Variants in NFIB observed in about 807,000 individuals in gnomAD.
NFIB encodes the protein nuclear factor I B.
A neutral mutation model predicts 61.5 loss-of-function variants in NFIB; 11 were observed. That is an observed-to-expected ratio of 0.18 (90% CI 0.11 to 0.30). The LOEUF is 0.30. Among genes scored for constraint, NFIB ranks in the 10% least tolerant of loss-of-function variants. The pLI is 1.00. For missense variants in NFIB, 471 were observed against 608.9 expected, an observed-to-expected ratio of 0.77 and a Z score of 2.38; for synonymous variants, 260 against 216.5, an observed-to-expected ratio of 1.20 and a Z score of -1.76.
the NFIB span, among the ~76,000 whole-genome samples, chr9:14,481,197 G>GTATGTATATATATATATATATATA: frequency 2.2e-5 from 1 of 45,826 alleles, no homozygotes; most frequent in African/African-American, 9.4e-5. Context: ...GTGTGTGTGT[G>GTATGTATATATATATATATATATA]TATATATATA....
intron 1 of NFIB, chr9:14,322,061 C>CT: frequency 8.7e-7 from 1 of 1,152,532 alleles, no homozygotes; most frequent in African/African-American, 2.0e-5. Context: ...TTTGGTGTCG[C>CT]TTTTTGTGTT....
intron 2 of NFIB, among the ~76,000 whole-genome samples, chr9:14,265,922 G>C (rs1459898812): frequency 6.6e-6 from 1 of 152,150 alleles, no homozygotes; most frequent in Non-Finnish European, 1.5e-5. Context: ...CTTCAACAAG[G>C]GGAGATCAAC....
intron 1 of NFIB, among the ~76,000 whole-genome samples, chr9:14,376,159 C>T (rs773409690): frequency 9.7e-4 from 147 of 152,198 alleles, no homozygotes; most frequent in Non-Finnish European, 1.6e-3. Context: ...CTCCTGGGCT[C>T]AAGTGATCCT....
At position 14,150,194 on chromosome 9, in the gene NFIB, T is replaced by C. The variant is rs2042707092; in HGVS notation, c.757A>G (p.Met253Val). The C allele has an allele frequency of 2.5e-6, 4 of 1,613,418 alleles. No individual in the cohort carries two copies. The highest frequency in any genetic ancestry group is 2.2e-5 in the East Asian group (1 of 44,870). Residue 253 changes from methionine to valine, a missense_variant, in exon 5 of 11, where the codon ATG becomes GTG. Physicochemically the swap from Met to Val is conservative, Grantham distance 21. Around this residue, in one of 2 missense-constraint regions of NFIB, gnomAD observed 372 missense variants for 395.6 expected, o/e 0.94. Coordinates refer to ENST00000380953, the MANE Select transcript of NFIB (RefSeq NM_001190737.2). Reference sequence around the variant, plus strand: ...CTCTGAAGATTGACCCCCGAGTTCATGTCATGATAGTATGGTTGGCTTGGG... The same window carrying C: ...CTCTGAAGATTGACCCCCGAGTTCACGTCATGATAGTATGGTTGGCTTGGG... ...EIPSQPYYHD[M>V]NSGVNLQRSL...
chr9:14,433,333 T>C, the NFIB span, among the ~76,000 whole-genome samples: 1 of 152,232 alleles, frequency 6.6e-6, no homozygotes, highest in Non-Finnish European at 1.5e-5. Flanking sequence ...ACTTATAATA[T>C]GCCCTTTATC....
At chr9:14,450,197 C>A in the NFIB span, among the ~76,000 whole-genome samples, 1 of 152,038 alleles carries the variant, frequency 6.6e-6, no homozygotes, top group Non-Finnish European at 1.5e-5. Flanking sequence ...TCAATTCCCA[C>A]CGATGAGTGA....
chr9:14,250,761 T>G (rs1396033368), intron 2 of NFIB, among the ~76,000 whole-genome samples: 2 of 152,228 alleles, frequency 1.3e-5, no homozygotes, highest in Non-Finnish European at 2.9e-5. Context: ...TTTAACTATG[T>G]GAGAGAAGGA....
chr9:14,451,508 C>A, the NFIB span, among the ~76,000 whole-genome samples: 1 of 152,116 alleles, frequency 6.6e-6, no homozygotes, highest in Non-Finnish European at 1.5e-5. Context: ...AAGTATGTAT[C>A]TGTAAAAGGT....
At chr9:14,521,839 G>C in the NFIB span, among the ~76,000 whole-genome samples, 1 of 152,188 alleles carries the variant, frequency 6.6e-6, no homozygotes, top group African/African-American at 2.4e-5. Context: ...TGGCCAAAAG[G>C]CTTTGAATGC....
At chr9:14,119,666 T>C (rs776017605) in intron 8 of NFIB, among the ~76,000 whole-genome samples, 1 of 152,180 alleles carries the variant, frequency 6.6e-6, no homozygotes, top group Non-Finnish European at 1.5e-5. Flanking sequence ...CAAAGCTAAA[T>C]ATCAGATCCT....
chr9:14,219,187 T>G (rs1397199398), intron 2 of NFIB, among the ~76,000 whole-genome samples: 1 of 152,140 alleles, frequency 6.6e-6, no homozygotes, highest in Non-Finnish European at 1.5e-5. Flanking sequence ...CTATCTGCCA[T>G]GTTTAAAGGA....
intron 10 of NFIB, among the ~76,000 whole-genome samples, chr9:14,088,894 T>C (rs917744204): frequency 6.6e-6 from 1 of 152,174 alleles, no homozygotes; most frequent in Non-Finnish European, 1.5e-5. Flanking sequence ...ATGCATAACA[T>C]ACAATTTGAA....
chr9:14,438,304 T>C, the NFIB span, among the ~76,000 whole-genome samples: 4 of 152,160 alleles, frequency 2.6e-5, no homozygotes, highest in African/African-American at 9.7e-5. Context: ...TACATCACCA[T>C]CAGAAAGAAA....
chr9:14,503,106 A>ATATG, the NFIB span, among the ~76,000 whole-genome samples: 136 of 149,360 alleles, frequency 9.1e-4, no homozygotes, highest in Middle Eastern at 3.5e-3. Flanking sequence ...ATATATATAT[A>ATATG]TGTGTGTATG....
At chr9:14,280,662 G>A (rs1017654381) in intron 2 of NFIB, among the ~76,000 whole-genome samples, 9 of 152,264 alleles carry the variant, frequency 5.9e-5, no homozygotes, top group Admixed American at 5.2e-4. Flanking sequence ...AGGAGACAAC[G>A]TTAGGCAAGG....
intron 3 of NFIB, among the ~76,000 whole-genome samples, chr9:14,168,526 G>C (rs1483340389): frequency 6.6e-6 from 1 of 152,156 alleles, no homozygotes; most frequent in Non-Finnish European, 1.5e-5. Context: ...TGTGTGCAAC[G>C]GACAAATCAT....
At chr9:14,434,002 C>A in the NFIB span, among the ~76,000 whole-genome samples, 1 of 152,270 alleles carries the variant, frequency 6.6e-6, no homozygotes, top group Non-Finnish European at 1.5e-5. Context: ...AACCACTATA[C>A]GATCACGGCA....
chr9:14,448,380 T>G, the NFIB span, among the ~76,000 whole-genome samples: 3 of 152,156 alleles, frequency 2.0e-5, no homozygotes, highest in African/African-American at 7.2e-5. Flanking sequence ...ACTAAATGAT[T>G]GCATCCAAAA....
intron 5 of NFIB, among the ~76,000 whole-genome samples, chr9:14,148,365 G>A (rs1255679192): frequency 2.6e-5 from 4 of 151,728 alleles, no homozygotes; most frequent in Non-Finnish European, 5.9e-5. Context: ...CCTCCTGCCT[G>A]GGCCTCCCAA....
Sources: gnomAD v4.1 joint callset for allele counts (sites outside exome capture counted in the v4.1 genomes callset) on GRCh38, gnomAD v4.1.1 for gene constraint, gnomAD v4.1.1 regional missense constraint, MANE v1.5 for transcripts, NCBI Gene and HGNC (gene_info 2026-07-23, HGNC 2026-07-21) for gene names.